CLSTN1: variants seen among roughly 807,000 people sequenced by gnomAD.
CLSTN1 encodes the protein calsyntenin 1, also known as calsyntenin-1.
A neutral mutation model predicts 108.3 loss-of-function variants in CLSTN1; 28 were observed. That is an observed-to-expected ratio of 0.26 (90% CI 0.19 to 0.35). The LOEUF is 0.35. Ranked by LOEUF, CLSTN1 falls within the 10% of genes least tolerant of loss-of-function variation. The probability of loss-of-function intolerance (pLI) is 1.00; values close to 1 mark genes in which losing one functional copy is unlikely to be tolerated. For synonymous variants in CLSTN1, 524 were observed against 534.9 expected, an observed-to-expected ratio of 0.98 and a Z score of 0.28; for missense variants, 1,157 against 1,302.6, an observed-to-expected ratio of 0.89 and a Z score of 1.72.
intron 1 of CLSTN1, among the ~76,000 whole-genome samples, chr1:9,778,753 G>A (rs1653085596): frequency 6.6e-6 from 1 of 152,052 alleles, no homozygotes; most frequent in East Asian, 1.9e-4. Context: ...GGTGGCTCAC[G>A]CCTGTAATCT....
chr1:9,769,791 C>T (rs1291692881), intron 2 of CLSTN1, among the ~76,000 whole-genome samples: 2 of 151,884 alleles, frequency 1.3e-5, no homozygotes, highest in Non-Finnish European at 2.9e-5. Context: ...GCCTATAATC[C>T]CAGCATTTTG....
chr1:9,748,244 A>G (rs7550246), intron 7 of CLSTN1, among the ~76,000 whole-genome samples: 34,810 of 151,918 alleles, frequency 0.23, 6,928 homozygotes, highest in African/African-American at 0.53. Flanking sequence ...TCTTCCCTCA[A>G]CATCTTCCAT....
At chr1:9,803,528 C>T (rs1051256168) in intron 1 of CLSTN1, among the ~76,000 whole-genome samples, 4 of 152,154 alleles carry the variant, frequency 2.6e-5, no homozygotes, top group African/African-American at 7.2e-5. Context: ...TACGGCCGGG[C>T]GCAGTGGCTC....
At chr1:9,781,903 T>C (rs929489159) in intron 1 of CLSTN1, among the ~76,000 whole-genome samples, 5 of 152,216 alleles carry the variant, frequency 3.3e-5, no homozygotes, top group African/African-American at 1.2e-4. Context: ...TGTGTAGTAG[T>C]TGTGACTTGT....
chr1:9,744,774 A>G, intron 7 of CLSTN1, 131 bp from the exon 8 acceptor site: 1 of 1,144,296 alleles, frequency 8.7e-7, no homozygotes, highest in Non-Finnish European at 1.2e-6. Flanking sequence ...TTTTCTTTCG[A>G]GACAGAGTCT....
chr1:9,747,256 T>G (rs2101101443), intron 7 of CLSTN1, among the ~76,000 whole-genome samples: 1 of 151,768 alleles, frequency 6.6e-6, no homozygotes, highest in East Asian at 1.9e-4. Context: ...CTAACTTTAT[T>G]CTGCTGAAAA....
intron 2 of CLSTN1, among the ~76,000 whole-genome samples, chr1:9,762,499 A>T (rs1316751702): frequency 7.0e-6 from 1 of 143,064 alleles, no homozygotes; most frequent in Non-Finnish European, 1.5e-5. Context: ...CTTGCCAAGC[A>T]GCGACTATCC....
intron 1 of CLSTN1, among the ~76,000 whole-genome samples, chr1:9,801,671 C>A (rs1654276443): frequency 6.6e-6 from 1 of 152,182 alleles, no homozygotes; most frequent in Non-Finnish European, 1.5e-5. Flanking sequence ...TCTCCTGCCT[C>A]AGCCTCCCGA....
At position 9,752,077 on chromosome 1, in the gene CLSTN1, C is replaced by T. The variant is rs558741249; in HGVS notation, c.441-396G>A. Among the ~76,000 whole-genome samples the T allele has an allele frequency of 6.0e-5, 9 of 150,938 alleles. No individual in the cohort carries two copies. In the South Asian group the frequency reaches 1.9e-3, roughly 32 times the overall value. On this transcript the variant is annotated intron_variant, in intron 4 of 18. Coordinates refer to ENST00000377298, the MANE Select transcript of CLSTN1 (RefSeq NM_001009566.3). The stretch of plus-strand genomic sequence containing the variant: ...TTGAAACATATTTTGTAGCAAAATC[C>T]AGAAAAAAAATAGAGCCAAGGGAAG...
At chr1:9,776,725 C>G (rs1652961261) in intron 1 of CLSTN1, among the ~76,000 whole-genome samples, 1 of 152,050 alleles carries the variant, frequency 6.6e-6, no homozygotes, top group African/African-American at 2.4e-5. Flanking sequence ...CTGAGGGACC[C>G]AAATAGCTTT....
intron 1 of CLSTN1, among the ~76,000 whole-genome samples, chr1:9,799,777 C>T (rs923342938): frequency 4.0e-5 from 6 of 151,786 alleles, no homozygotes; most frequent in African/African-American, 1.5e-4. Flanking sequence ...CCCGTCTCTA[C>T]TAAAAATACA....
intron 1 of CLSTN1, among the ~76,000 whole-genome samples, chr1:9,783,203 C>T (rs1467129570): frequency 3.9e-5 from 6 of 152,196 alleles, no homozygotes; most frequent in African/African-American, 1.4e-4. Flanking sequence ...AGTGGCTCAA[C>T]TTAGGATTTT....
At position 9,734,967 on chromosome 1, in the gene CLSTN1, G is replaced by A. The variant is rs369359240; in HGVS notation, c.2091C>T (p.Asp697=). ...CATTACCTGTGGGGTCCTCAGCCCC[G>A]TCCCCTTCAGGCTCCACTTCTCTCG... ...TITREVEPEG[D]GAEDPTVQES... Residue 697 remains aspartate (D), a synonymous_variant, in exon 14 of 19, where the codon GAC becomes GAT. Coordinates refer to ENST00000377298, the MANE Select transcript of CLSTN1 (RefSeq NM_001009566.3). The surrounding 1 kb of genome is among the most constrained non-coding windows in gnomAD (Gnocchi z 4.8). 6.2e-6 allele frequency: 10 copies of A among 1,614,002 alleles called. No individual in the cohort carries two copies. Among genetic ancestry groups the A allele is most frequent in the East Asian group, 2.2e-5 (1 of 44,896 alleles).
At chr1:9,747,097 T>C (rs2101100949) in intron 7 of CLSTN1, among the ~76,000 whole-genome samples, 1 of 148,438 alleles carries the variant, frequency 6.7e-6, no homozygotes, top group Admixed American at 6.8e-5. Flanking sequence ...GGAGAATCGC[T>C]TGAACCCAGG....
At chr1:9,791,141 C>CAAAAAA (rs139466878) in intron 1 of CLSTN1, among the ~76,000 whole-genome samples, 1 of 74,046 alleles carries the variant, frequency 1.4e-5, no homozygotes. Flanking sequence ...GACTCTATCT[C>CAAAAAA]AAAAAAAAAA....
chr1:9,789,887 G>A (rs1323840571), intron 1 of CLSTN1, among the ~76,000 whole-genome samples: 1 of 151,378 alleles, frequency 6.6e-6, no homozygotes, highest in Non-Finnish European at 1.5e-5. Flanking sequence ...GCTGAGGTGG[G>A]AGAATCGCTT....
intron 4 of CLSTN1, 146 bp from the exon 5 acceptor site, chr1:9,751,827 A>C (rs140911862): frequency 1.5e-6 from 1 of 671,160 alleles, no homozygotes; most frequent in Non-Finnish European, 2.5e-6. Context: ...TCATATGATG[A>C]AGTCAAAAAT....
chr1:9,741,847 G>A (rs1436312406), intron 9 of CLSTN1, among the ~76,000 whole-genome samples: 1 of 152,218 alleles, frequency 6.6e-6, no homozygotes, highest in African/African-American at 2.4e-5. Flanking sequence ...GGGAGGCAAA[G>A]GTTGCGGTGA....
In CLSTN1 at chr1:9,741,147, G is replaced by A. The variant is rs375763180; in HGVS notation, c.1466C>T (p.Pro489Leu). 11 of 1,614,076 alleles carry A rather than the reference G, an allele frequency of 6.8e-6. No homozygotes were observed. The highest frequency in any genetic ancestry group is 1.1e-5 in the South Asian group (1 of 91,068). Residue 489 changes from proline (P) to leucine (L), a missense_variant, in exon 10 of 19, where the codon CCG becomes CTG. Transcript: ENST00000377298. ...HEPFSVTEDY[P>L]LHPSKIETQL... ...AGTTTCTATCTTGGATGGATGGAGC[G>A]GGTAATCCTCAGTCACAGAGAAGGG...
Sources: gnomAD v4.1 joint callset for allele counts (sites outside exome capture counted in the v4.1 genomes callset) on GRCh38, gnomAD v4.1.1 for gene constraint, Gnocchi (gnomAD v3.1) non-coding constraint, MANE v1.5 for transcripts, NCBI Gene and HGNC (gene_info 2026-07-23, HGNC 2026-07-21) for gene names.